The following NHSL2 variants were observed in gnomAD, a reference collection of about 807,000 sequenced individuals.
NHSL2 encodes NHS-like protein 2.
Under a neutral mutation model 53.4 loss-of-function variants are expected in NHSL2, and 27 were observed. That is an observed-to-expected ratio of 0.51 (90% CI 0.37 to 0.70). The LOEUF (loss-of-function observed/expected upper bound fraction) is 0.70, where lower values mean the gene tolerates loss of function less well. Among genes scored for constraint, NHSL2 ranks in the 30% least tolerant of loss-of-function variants. NHSL2 has a pLI of 0.00. For missense variants in NHSL2, 892 were observed against 980.1 expected (o/e 0.91, Z 1.20); for synonymous variants, 408 against 404.1 (o/e 1.01, Z -0.12).
intron 1 of NHSL2, among the ~76,000 whole-genome samples, chrX:72,086,727 C>G (rs1237994130): frequency 1.9e-5 from 2 of 106,437 alleles, no homozygotes; most frequent in Non-Finnish European, 3.9e-5. Context: ...AATAAACCAC[C>G]CTTATCAAGA....
chrX:72,049,003 A>G (rs192722381), intron 1 of NHSL2, among the ~76,000 whole-genome samples: 6 of 39,670 alleles, frequency 1.5e-4, no homozygotes, highest in Admixed American at 3.6e-4. Context: ...AAGAAGAAGA[A>G]GAAGAAGAAG....
At chrX:72,070,747 A>G (rs2147405010) in intron 1 of NHSL2, among the ~76,000 whole-genome samples, 1 of 104,364 alleles carries the variant, frequency 9.6e-6, no homozygotes, top group East Asian at 3.0e-4. Context: ...CCCCACCACC[A>G]CCACCACACA....
At chrX:72,025,788 G>A (rs912289369) in intron 1 of NHSL2, among the ~76,000 whole-genome samples, 11 of 111,874 alleles carry the variant, frequency 9.8e-5, no homozygotes, top group Non-Finnish European at 9.4e-5. Flanking sequence ...AGCAGTACTC[G>A]GTTTGATGCT....
intron 1 of NHSL2, among the ~76,000 whole-genome samples, chrX:71,927,642 C>T (rs1385716491): frequency 1.8e-5 from 2 of 110,913 alleles, no homozygotes; most frequent in Admixed American, 9.5e-5. Flanking sequence ...CTGCAACCTC[C>T]GCCTGCTAGG....
At chrX:72,133,951 T>C (rs2042331604) in intron 2 of NHSL2, 140 bp from the exon 3 acceptor site, 1 of 588,093 alleles carries the variant, frequency 1.7e-6, no homozygotes, top group East Asian at 3.7e-5. Context: ...ATCCAGTGGC[T>C]CAAACACCTG....
chrX:72,015,847 T>C (rs1346453588), intron 1 of NHSL2, among the ~76,000 whole-genome samples: 2 of 112,684 alleles, frequency 1.8e-5, no homozygotes, highest in African/African-American at 6.5e-5. Context: ...TACCTTTTTA[T>C]TGATTTACAG....
At chrX:72,051,074 A>G (rs1006758021) in intron 1 of NHSL2, among the ~76,000 whole-genome samples, 3 of 111,765 alleles carry the variant, frequency 2.7e-5, no homozygotes, top group African/African-American at 9.8e-5. Flanking sequence ...AAAATTTGTC[A>G]TAAGTGCTAT....
chrX:72,000,224 TTC>T (rs754404417), intron 1 of NHSL2, among the ~76,000 whole-genome samples: 2 of 111,711 alleles, frequency 1.8e-5, no homozygotes, highest in Non-Finnish European at 3.8e-5. Flanking sequence ...GCCCAGCACC[TTC>T]TCTGTGCGAG....
At chrX:72,081,775 C>A (rs1302913843) in intron 1 of NHSL2, among the ~76,000 whole-genome samples, 1 of 112,827 alleles carries the variant, frequency 8.9e-6, no homozygotes, top group African/African-American at 3.2e-5. Flanking sequence ...TCGTTTCTCA[C>A]TCTAACACAG....
rs1422074444 is a variant in NHSL2, at chrX:71,942,831, T to G, written c.280+31464T>G. 3.6e-5 allele frequency among the ~76,000 whole-genome samples: 4 copies of G among 111,122 alleles called. No homozygotes were observed. In the East Asian group the frequency reaches 1.1e-3, roughly 31 times the overall value. ...CACCCCCAGACTCAGGATGTCTGCGTTGGGAATTGTCTAATAGACATAGTA... is the reference window on the plus strand; with the variant it reads ...CACCCCCAGACTCAGGATGTCTGCGGTGGGAATTGTCTAATAGACATAGTA... On this transcript the variant is annotated intron_variant, in intron 1 of 7. Coordinates refer to ENST00000633930, the MANE Select transcript of NHSL2 (RefSeq NM_001013627.3).
intron 1 of NHSL2, among the ~76,000 whole-genome samples, chrX:72,058,527 T>C (rs1394406711): frequency 1.8e-5 from 2 of 111,677 alleles, no homozygotes; most frequent in Admixed American, 1.9e-4. Flanking sequence ...GTATTTTTCA[T>C]AGAGACGGGG....
intron 1 of NHSL2, among the ~76,000 whole-genome samples, chrX:71,947,053 A>G (rs987406290): frequency 1.8e-5 from 2 of 111,947 alleles, no homozygotes; most frequent in African/African-American, 6.5e-5. Context: ...GGACTCTGCA[A>G]ACCTCCATCC....
At chrX:72,032,833 TG>T (rs1262759902) in intron 1 of NHSL2, among the ~76,000 whole-genome samples, 1 of 112,330 alleles carries the variant, frequency 8.9e-6, no homozygotes, top group Non-Finnish European at 1.9e-5. Context: ...CACTCCAGCC[TG>T]GGCGACAGAG....
At chrX:71,974,945 T>C (rs902714621) in intron 1 of NHSL2, among the ~76,000 whole-genome samples, 1 of 112,058 alleles carries the variant, frequency 8.9e-6, no homozygotes, top group Non-Finnish European at 1.9e-5. Flanking sequence ...ATCAATGGAA[T>C]AGTCAATTTT....
At chrX:72,079,010 A>G (rs1280362757) in intron 1 of NHSL2, among the ~76,000 whole-genome samples, 2 of 112,166 alleles carry the variant, frequency 1.8e-5, no homozygotes, top group Non-Finnish European at 3.8e-5. Context: ...GCAAAGATAG[A>G]AAAGAGAGTA....
At chrX:71,988,422 T>C (rs1391166387) in intron 1 of NHSL2, among the ~76,000 whole-genome samples, 4 of 111,658 alleles carry the variant, frequency 3.6e-5, no homozygotes, top group Non-Finnish European at 7.5e-5. Flanking sequence ...AAACTCGTTC[T>C]TAGTCGAGAG....
chrX:72,150,066 C>G lies in NHSL2; in HGVS notation c.*6492C>G, dbSNP rs186833654. ...TGAATTTCCCAGGTATTTCAATGAA[C>G]TAATATATATGCTTTAAGGGAAAAT... On this transcript the variant is annotated 3_prime_UTR_variant, in exon 8 of 8. Coordinates refer to ENST00000633930, the MANE Select transcript of NHSL2 (RefSeq NM_001013627.3). 4.4e-5 allele frequency: 5 copies of G among 112,626 alleles called. No individual in the cohort carries two copies. The highest frequency in any genetic ancestry group is 1.6e-4 in the African/African-American group (5 of 31,010). The allele number at this position is 112,626 out of a possible 1,213,427, so 9.3% of individuals were successfully genotyped here.
chrX:72,054,952 C>T (rs189767654), intron 1 of NHSL2, among the ~76,000 whole-genome samples: 7 of 111,591 alleles, frequency 6.3e-5, no homozygotes, highest in African/African-American at 1.6e-4. Context: ...CCCTTTCCCC[C>T]GTCACTCTTT....
At chrX:72,060,260 A>G in intron 1 of NHSL2, among the ~76,000 whole-genome samples, 1 of 112,091 alleles carries the variant, frequency 8.9e-6, no homozygotes, top group Non-Finnish European at 1.9e-5. Context: ...GAGGAATGCC[A>G]AAGAATCCAG....
Sources: gnomAD v4.1 joint callset for allele counts (sites outside exome capture counted in the v4.1 genomes callset) on GRCh38, gnomAD v4.1.1 for gene constraint, MANE v1.5 for transcripts, NCBI Gene and HGNC (gene_info 2026-07-23, HGNC 2026-07-21) for gene names.